The following SNX29 variants were observed in gnomAD, a reference collection of about 807,000 sequenced individuals.
SNX29 encodes sorting nexin 29.
Under a neutral mutation model 102.1 loss-of-function variants are expected in SNX29, and 78 were observed. The observed-to-expected ratio is 0.76, with a 90% CI of 0.64 to 0.92. The LOEUF (loss-of-function observed/expected upper bound fraction) is 0.92. Among genes scored for constraint, SNX29 ranks in the 40% least tolerant of loss-of-function variants. The pLI is 0.00. For missense variants in SNX29, 1,280 were observed against 1,061.7 expected, an observed-to-expected ratio of 1.21 and a Z score of -2.86; for synonymous variants, 580 against 414.5, an observed-to-expected ratio of 1.40 and a Z score of -4.85.
chr16:12,524,135 G>C (rs9924730), intron 19 of SNX29, among the ~76,000 whole-genome samples: 94,862 of 152,100 alleles, frequency 0.62, 32,382 homozygotes, highest in East Asian at 1. Flanking sequence ...ATCCGCCCGC[G>C]TCTGCATCGT....
At chr16:12,011,976 C>G (rs1382361594) in intron 3 of SNX29, among the ~76,000 whole-genome samples, 1 of 152,040 alleles carries the variant, frequency 6.6e-6, no homozygotes, top group Non-Finnish European at 1.5e-5. Flanking sequence ...CTAGACATAC[C>G]TGTGTTTTTT....
rs768527158 is a variant in SNX29 at position 12,403,429 on chromosome 16, C to T, written c.1956-19C>T. ...GTTAAAATGTCTAATGTTGGTCTCT[C>T]TCTCTTCCTTTTGGTTAGATCAAAC... On this transcript the variant is annotated intron_variant, in intron 17 of 20. Transcript: ENST00000566228. 29 of 1,592,852 alleles carry T rather than the reference C, an allele frequency of 1.8e-5. No individual in the cohort carries two copies. The highest frequency in any genetic ancestry group is 5.4e-5 in the African/African-American group (4 of 74,512).
intron 16 of SNX29, among the ~76,000 whole-genome samples, chr16:12,393,333 A>G (rs957944305): frequency 1.4e-5 from 2 of 145,486 alleles, no homozygotes; most frequent in African/African-American, 5.1e-5. Context: ...CTACAAAGCA[A>G]TCTAAAAATC....
chr16:12,091,014 C>CAAAAAAAAAAAAAA (rs58933500), intron 11 of SNX29, among the ~76,000 whole-genome samples: 100 of 53,378 alleles, frequency 1.9e-3, no homozygotes, highest in Middle Eastern at 0.017. Flanking sequence ...GACTTCATCT[C>CAAAAAAAAAAAAAA]AAAAAAAAAA....
At chr16:12,191,679 G>A (rs1260370261) in intron 13 of SNX29, among the ~76,000 whole-genome samples, 1 of 152,222 alleles carries the variant, frequency 6.6e-6, no homozygotes, top group Non-Finnish European at 1.5e-5. Flanking sequence ...GGTCAGAAGA[G>A]ACTTAACAGG....
chr16:12,091,862 G>T (rs1378394681), intron 11 of SNX29, among the ~76,000 whole-genome samples: 1 of 151,618 alleles, frequency 6.6e-6, no homozygotes, highest in African/African-American at 2.4e-5. Context: ...CGCCATCAGT[G>T]AACCAAGAAG....
At chr16:12,375,309 T>A (rs1337225166) in intron 16 of SNX29, 2 of 152,246 alleles carry the variant, frequency 1.3e-5, no homozygotes, top group Non-Finnish European at 2.9e-5. Context: ...TAGAAATAGC[T>A]AAAAGGTACA....
At chr16:12,525,838 G>A (rs747658063) in intron 20 of SNX29, among the ~76,000 whole-genome samples, 5 of 152,136 alleles carry the variant, frequency 3.3e-5, no homozygotes, top group South Asian at 2.1e-4. Context: ...CATGCCAGGC[G>A]TGCTGACTTC....
chr16:12,060,394 C>T (rs2151262963), intron 8 of SNX29, among the ~76,000 whole-genome samples: 1 of 152,182 alleles, frequency 6.6e-6, no homozygotes, highest in East Asian at 1.9e-4. Context: ...GATTTTGAGA[C>T]CAGCCTGGAC....
chr16:12,489,282 C>G (rs757158446), intron 19 of SNX29, among the ~76,000 whole-genome samples: 2 of 146,572 alleles, frequency 1.4e-5, no homozygotes, highest in Non-Finnish European at 3.0e-5. Flanking sequence ...CTCTAACACG[C>G]TGGAAAAAAA....
intron 11 of SNX29, among the ~76,000 whole-genome samples, chr16:12,115,194 C>G (rs1423391885): frequency 6.6e-6 from 1 of 152,036 alleles, no homozygotes; most frequent in African/African-American, 2.4e-5. Context: ...TTCCTTCAGC[C>G]CCCCTCGCTG....
At chr16:12,480,755 G>T (rs1316519091) in intron 19 of SNX29, among the ~76,000 whole-genome samples, 4 of 152,234 alleles carry the variant, frequency 2.6e-5, no homozygotes, top group Admixed American at 2.6e-4. Context: ...TTTGAGTTTA[G>T]TGAGATGAGG....
chr16:12,415,347 T>C (rs7198154), intron 18 of SNX29, among the ~76,000 whole-genome samples: 85,542 of 152,124 alleles, frequency 0.56, 24,585 homozygotes, highest in Non-Finnish European at 0.63. Flanking sequence ...CTTGGAGTCT[T>C]GATCAAGATG....
intron 19 of SNX29, among the ~76,000 whole-genome samples, chr16:12,523,869 C>T (rs2090193816): frequency 6.6e-6 from 1 of 152,030 alleles, no homozygotes; most frequent in African/African-American, 2.4e-5. Context: ...TGGGGCCATG[C>T]TACCATGCAT....
intron 8 of SNX29, among the ~76,000 whole-genome samples, chr16:12,054,909 T>C (rs1206408358): frequency 6.6e-6 from 1 of 152,244 alleles, no homozygotes; most frequent in African/African-American, 2.4e-5. Context: ...TTTTTGCTTT[T>C]TGTTATCAGC....
intron 1 of SNX29, among the ~76,000 whole-genome samples, chr16:11,998,685 C>G (rs2056176099): frequency 6.6e-6 from 1 of 152,180 alleles, no homozygotes; most frequent in Non-Finnish European, 1.5e-5. Flanking sequence ...TTCTTTCTAT[C>G]AGAAATGAAT....
chr16:12,131,931 T>A (rs1026733598), intron 13 of SNX29, among the ~76,000 whole-genome samples: 1 of 152,222 alleles, frequency 6.6e-6, no homozygotes, highest in Non-Finnish European at 1.5e-5. Flanking sequence ...ATGACTGTTA[T>A]AAATAGTGTA....
At chr16:12,300,908 A>G (rs1051132590) in intron 15 of SNX29, among the ~76,000 whole-genome samples, 5 of 152,106 alleles carry the variant, frequency 3.3e-5, no homozygotes, top group Admixed American at 6.6e-5. Flanking sequence ...GTCTCTCGAC[A>G]TTCCGTACTC....
chr16:12,180,498 T>G (rs577886527), intron 13 of SNX29, among the ~76,000 whole-genome samples: 233 of 150,820 alleles, frequency 1.5e-3, no homozygotes, highest in African/African-American at 4.8e-3. Context: ...CTCTTTTTTT[T>G]TTTGAGATGG....
Sources: allele counts gnomAD v4.1 joint callset (sites outside exome capture counted in the v4.1 genomes callset), GRCh38; gene constraint gnomAD v4.1.1; transcripts MANE v1.5; gene names NCBI Gene and HGNC (gene_info 2026-07-23, HGNC 2026-07-21).